The following CSMD2 variants were observed in gnomAD, a reference collection of about 807,000 sequenced individuals.
CSMD2 encodes the protein CUB and sushi domain-containing protein 2.
Under a neutral mutation model 398.5 loss-of-function variants are expected in CSMD2, and 130 were observed. The ratio of observed to expected loss-of-function variants is 0.33; its 90% CI spans 0.28 to 0.38. The LOEUF is 0.38. Among genes scored for constraint, CSMD2 ranks in the 10% least tolerant of loss-of-function variants. The probability of loss-of-function intolerance (pLI) is 1.00; values close to 1 mark genes in which losing one functional copy is unlikely to be tolerated. For missense variants in CSMD2, 3,829 were observed against 4,764.9 expected (o/e 0.80, Z 5.78); for synonymous variants, 1,828 against 1,908.5 (o/e 0.96, Z 1.10).
chr1:33,772,632 C>T lies in CSMD2; in HGVS notation c.1783G>A (p.Gly595Arg). ...TTTTGGCATGTGATTGCCTTCTGTC[C>T]CACCAGCTCAAAGGCGGGCTGGCAC... ...FECQPAFELVGQKAITCQKNN... is the reference protein window; with the variant it reads ...FECQPAFELVRQKAITCQKNN... The change falls in exon 13 of 71, where the codon GGA (glycine) becomes AGA (arginine). Residue 595 changes from glycine (G) to arginine (R), a missense_variant. Physicochemically the swap from Gly to Arg is moderately radical, Grantham distance 125. Transcript: ENST00000373381. 1 of 1,614,128 alleles carries T rather than the reference C, an allele frequency of 6.2e-7. No individual in the cohort carries two copies.
chr1:33,744,638 AT>A (rs1166469313), intron 13 of CSMD2, among the ~76,000 whole-genome samples: 26 of 152,372 alleles, frequency 1.7e-4, no homozygotes, highest in African/African-American at 6.0e-4. Flanking sequence ...AATGAAAAAA[AT>A]AATCACAACG....
chr1:33,948,858 A>T (rs753601086), intron 3 of CSMD2, among the ~76,000 whole-genome samples: 1 of 152,200 alleles, frequency 6.6e-6, no homozygotes, highest in Admixed American at 6.5e-5. Context: ...CTGCTGGCTC[A>T]GTCTGTGATT....
At chr1:33,981,855 G>T (rs1488225872) in intron 3 of CSMD2, among the ~76,000 whole-genome samples, 1 of 152,212 alleles carries the variant, frequency 6.6e-6, no homozygotes, top group East Asian at 1.9e-4. Flanking sequence ...TGGGGCTGCA[G>T]GATAAGAAGC....
chr1:34,000,316 G>A (rs989361157), intron 3 of CSMD2, among the ~76,000 whole-genome samples: 4 of 152,100 alleles, frequency 2.6e-5, no homozygotes, highest in African/African-American at 9.7e-5. Context: ...TGAGGAGACT[G>A]AAGGAGAGAC....
intron 5 of CSMD2, among the ~76,000 whole-genome samples, chr1:33,899,304 G>T (rs1362891236): frequency 6.6e-6 from 1 of 152,218 alleles, no homozygotes; most frequent in Non-Finnish European, 1.5e-5. Flanking sequence ...GCCCCAGGGG[G>T]AAGAAGCTGA....
chr1:33,712,881 G>A (rs1018693533), intron 21 of CSMD2, among the ~76,000 whole-genome samples: 2 of 152,144 alleles, frequency 1.3e-5, no homozygotes, highest in East Asian at 1.9e-4. Context: ...TATAGGAGAC[G>A]GAGTAAACCC....
chr1:34,137,643 GCCTGGCCCAA>G (rs1279711291), intron 1 of CSMD2, among the ~76,000 whole-genome samples: 1 of 152,174 alleles, frequency 6.6e-6, no homozygotes, highest in Non-Finnish European at 1.5e-5. Flanking sequence ...GCCTGTTCCA[GCCTGGCCCAA>G]CCTGGCCCAA....
At chr1:33,712,231 C>T (rs1038699896) in intron 21 of CSMD2, among the ~76,000 whole-genome samples, 1 of 152,154 alleles carries the variant, frequency 6.6e-6, no homozygotes, top group Non-Finnish European at 1.5e-5. Flanking sequence ...AGGGCCATGT[C>T]TCTTGCTGCA....
In CSMD2 at chr1:33,577,549, A is replaced by G; in HGVS notation, c.7388-65T>C. The stretch of plus-strand genomic sequence containing the variant: ...GGAAGACAGACATGGTCTTTCATGC[A>G]GGCCCCTTTCCCTTTCGTCTCCCCC... On this transcript the variant is annotated intron_variant, in intron 48 of 70. Transcript: ENST00000373381. The G allele has an allele frequency of 5.0e-6, 7 of 1,413,258 alleles. No homozygotes were observed. In the South Asian group the frequency reaches 8.0e-5, roughly 16 times the overall value. The allele number at this position is 1,413,258 out of a possible 1,614,324, so 87.5% of individuals were successfully genotyped here.
intron 13 of CSMD2, among the ~76,000 whole-genome samples, chr1:33,763,668 T>C (rs1208406563): frequency 6.6e-6 from 1 of 152,150 alleles, no homozygotes; most frequent in Admixed American, 6.5e-5. Flanking sequence ...GTCTGCCTGA[T>C]TTCACCCTGG....
intron 44 of CSMD2, among the ~76,000 whole-genome samples, chr1:33,597,945 T>C (rs150481058): frequency 4.7e-4 from 72 of 152,350 alleles, no homozygotes; most frequent in African/African-American, 1.6e-3. Context: ...AAAAACTTAA[T>C]TTTGAGTGAG....
intron 3 of CSMD2, among the ~76,000 whole-genome samples, chr1:33,990,062 G>A (rs756214560): frequency 6.6e-6 from 1 of 151,952 alleles, no homozygotes; most frequent in Non-Finnish European, 1.5e-5. Context: ...CCTGAGGTCC[G>A]GCATTCGAGA....
At position 33,814,901 on chromosome 1, in the gene CSMD2, C is replaced by A. The variant is rs147068441; in HGVS notation, c.1325-4037G>T. 2.9e-3 allele frequency among the ~76,000 whole-genome samples: 437 copies of A among 152,236 alleles called. 3 individuals are homozygous for A. Among genetic ancestry groups the A allele is most frequent in the African/African-American group, 9.8e-3 (408 of 41,562 alleles). Reference sequence around the variant, plus strand: ...CCCACATTTCATCCCATCTATTGATCCTCGCCTGACCCCTCTTCCCTCACT... The same window carrying A: ...CCCACATTTCATCCCATCTATTGATACTCGCCTGACCCCTCTTCCCTCACT... On this transcript the variant is annotated intron_variant, in intron 9 of 70. Coordinates refer to ENST00000373381, the MANE Select transcript of CSMD2 (RefSeq NM_001281956.2).
In CSMD2 at chr1:33,804,937, C is replaced by T. The variant is rs754458844; in HGVS notation, c.1446+5806G>A. 5 of 715,708 alleles carry T rather than the reference C, an allele frequency of 7.0e-6. No homozygotes were observed. In the African/African-American group the frequency reaches 8.7e-5, roughly 13 times the overall value. The allele number at this position is 715,708 out of a possible 1,614,324, so 44.3% of individuals were successfully genotyped here. The stretch of plus-strand genomic sequence containing the variant: ...GGGTTCTCTTCAGCCTTTCTGGGCT[C>T]CCTCAGCACTACCTGAAGCCCACCA... On this transcript the variant is annotated intron_variant, in intron 10 of 70. Coordinates refer to ENST00000373381, the MANE Select transcript of CSMD2 (RefSeq NM_001281956.2).
chr1:33,591,052 G>A (rs969898446), intron 44 of CSMD2, among the ~76,000 whole-genome samples: 1 of 136,542 alleles, frequency 7.3e-6, no homozygotes, highest in African/African-American at 2.7e-5. Flanking sequence ...ACAATGGTGC[G>A]ATCTCGGCTC....
At chr1:33,645,585 A>T (rs1643381198) in intron 29 of CSMD2, among the ~76,000 whole-genome samples, 1 of 152,170 alleles carries the variant, frequency 6.6e-6, no homozygotes, top group African/African-American at 2.4e-5. Flanking sequence ...TCAAAAAGAG[A>T]TAATAGCGTA....
chr1:33,946,053 T>G (rs1644828039), intron 3 of CSMD2, among the ~76,000 whole-genome samples: 1 of 152,174 alleles, frequency 6.6e-6, no homozygotes, highest in African/African-American at 2.4e-5. Context: ...AAACATTCAG[T>G]GTGTCAGGTA....
intron 3 of CSMD2, among the ~76,000 whole-genome samples, chr1:34,015,783 T>C (rs1460362728): frequency 6.6e-6 from 1 of 152,164 alleles, no homozygotes; most frequent in Non-Finnish European, 1.5e-5. Context: ...TATAGATCCA[T>C]TGGATTAGCG....
At chr1:33,982,187 T>C (rs1411961513) in intron 3 of CSMD2, among the ~76,000 whole-genome samples, 1 of 152,094 alleles carries the variant, frequency 6.6e-6, no homozygotes, top group Non-Finnish European at 1.5e-5. Context: ...CCAAAATGAC[T>C]ACCAGTTTTC....
Sources: allele counts gnomAD v4.1 joint callset (sites outside exome capture counted in the v4.1 genomes callset), GRCh38; gene constraint gnomAD v4.1.1; transcripts MANE v1.5; gene names NCBI Gene and HGNC (gene_info 2026-07-23, HGNC 2026-07-21).